The following TMPRSS15 variants were observed in gnomAD, a reference collection of about 807,000 sequenced individuals.
The protein encoded by TMPRSS15 is enteropeptidase.
In TMPRSS15, 128 loss-of-function variants were observed where a neutral mutation model predicts 125.3. The observed-to-expected ratio is 1.02, with a 90% CI of 0.89 to 1.18. The LOEUF (loss-of-function observed/expected upper bound fraction) is 1.18. TMPRSS15 is among the 50% of genes most tolerant of loss of function. The pLI, the probability that TMPRSS15 is intolerant of heterozygous loss-of-function variation, is 0.00. For missense variants in TMPRSS15, 1,283 were observed against 1,212.7 expected, an observed-to-expected ratio of 1.06 and a Z score of -0.86; for synonymous variants, 446 against 423.2, an observed-to-expected ratio of 1.05 and a Z score of -0.66.
intron 1 of TMPRSS15, among the ~76,000 whole-genome samples, chr21:18,410,818 T>A (rs749022608): frequency 2.0e-5 from 3 of 152,160 alleles, no homozygotes; most frequent in Non-Finnish European, 4.4e-5. Context: ...CCATGTAACT[T>A]CTGACCTAAA....
At chr21:18,375,036 T>C (rs564027580) in intron 5 of TMPRSS15, among the ~76,000 whole-genome samples, 1 of 152,310 alleles carries the variant, frequency 6.6e-6, no homozygotes, top group East Asian at 1.9e-4. Context: ...TAGTTGGAAG[T>C]ATTTTGAATT....
rs528970360 is a variant in TMPRSS15 at position 18,397,926 on chromosome 21, T to G, written c.297A>C (p.Ser99=). ...TCTTATATTCATTCTTCAGATTGCT[T>G]GATAGAAAGATCTCATCTATCTAGA... is the stretch of plus-strand genomic sequence containing the variant. ...LQQMIDEIFL[S]SNLKNEYKNS... Residue 99 remains serine, a synonymous_variant, in exon 3 of 25, where the codon TCA becomes TCC. Transcript: ENST00000284885. 6 of 1,543,304 alleles carry G rather than the reference T, an allele frequency of 3.9e-6. No homozygotes were observed. The Admixed American group carries it at 1.0e-4, about 27-fold the overall frequency.
chr21:18,287,327 C>T lies in TMPRSS15; in HGVS notation c.2487-6106G>A, dbSNP rs956909620. Among the ~76,000 whole-genome samples the T allele has an allele frequency of 3.3e-5, 5 of 152,116 alleles. No homozygotes were observed. In the South Asian group the frequency reaches 6.2e-4, roughly 19 times the overall value. On this transcript the variant is annotated intron_variant, in intron 21 of 24. Coordinates refer to ENST00000284885, the MANE Select transcript of TMPRSS15 (RefSeq NM_002772.3). ...GTGGTTCCTCATAACAGCCAGGTAA[C>T]GGGCAGAGTTGCGTATCAATCCACA...
chr21:18,304,943 G>A (rs1016379896), intron 18 of TMPRSS15, among the ~76,000 whole-genome samples: 29 of 152,096 alleles, frequency 1.9e-4, no homozygotes, highest in Non-Finnish European at 4.0e-4. Flanking sequence ...ATTAAAAAGT[G>A]TAAGCCGAAG....
intron 1 of TMPRSS15, among the ~76,000 whole-genome samples, chr21:18,455,599 T>C (rs1978425608): frequency 6.6e-6 from 1 of 152,178 alleles, no homozygotes; most frequent in Non-Finnish European, 1.5e-5. Flanking sequence ...TTTTGAACAT[T>C]AGCTCTTTGC....
chr21:18,459,338 A>G (rs1261485977), intron 1 of TMPRSS15, among the ~76,000 whole-genome samples: 1 of 150,664 alleles, frequency 6.6e-6, no homozygotes, highest in African/African-American at 2.4e-5. Context: ...CAGTGGCACT[A>G]TCTTGGCTCA....
intron 16 of TMPRSS15, among the ~76,000 whole-genome samples, chr21:18,316,234 G>A (rs1461744964): frequency 6.6e-6 from 1 of 152,094 alleles, no homozygotes; most frequent in Non-Finnish European, 1.5e-5. Context: ...CTAAGAGGTG[G>A]CTGAGAGGTT....
chr21:18,282,526 T>C (rs2074713674), intron 21 of TMPRSS15, among the ~76,000 whole-genome samples: 1 of 152,230 alleles, frequency 6.6e-6, no homozygotes, highest in Non-Finnish European at 1.5e-5. Flanking sequence ...ATCTATCACT[T>C]TGTTTTATTT....
At chr21:18,370,367 A>G (rs1037814217) in intron 6 of TMPRSS15, among the ~76,000 whole-genome samples, 2 of 152,134 alleles carry the variant, frequency 1.3e-5, no homozygotes, top group African/African-American at 2.4e-5. Flanking sequence ...TTTGATTCAT[A>G]TATTTTGGTA....
intron 1 of TMPRSS15, among the ~76,000 whole-genome samples, chr21:18,470,121 G>A (rs1978746655): frequency 6.6e-6 from 1 of 151,986 alleles, no homozygotes; most frequent in Admixed American, 6.6e-5. Context: ...AGGAATACTG[G>A]AGCAAGTCAG....
intron 18 of TMPRSS15, among the ~76,000 whole-genome samples, chr21:18,303,298 A>G (rs1208826355): frequency 1.3e-5 from 2 of 152,164 alleles, no homozygotes; most frequent in African/African-American, 2.4e-5. Flanking sequence ...GAAAACAGAT[A>G]ATGGAAGAAA....
At chr21:18,463,895 C>A (rs1014670161) in intron 1 of TMPRSS15, among the ~76,000 whole-genome samples, 1 of 151,866 alleles carries the variant, frequency 6.6e-6, no homozygotes, top group Non-Finnish European at 1.5e-5. Flanking sequence ...AGTTCTTTGG[C>A]CAGGCGTGGT....
At position 18,417,519 on chromosome 21, in the gene TMPRSS15, T is replaced by G. The variant is rs566814294; in HGVS notation, c.11-19190A>C. ...TCAAGATACTACAGAAAAAAGAAGATACGTTTTGAAACATTTTAAGACTCC... is the reference window on the plus strand; with the variant it reads ...TCAAGATACTACAGAAAAAAGAAGAGACGTTTTGAAACATTTTAAGACTCC... On this transcript the variant is annotated intron_variant, in intron 1 of 7. Coordinates refer to the TMPRSS15 transcript ENST00000422787. Among the ~76,000 whole-genome samples the G allele has an allele frequency of 1.1e-4, 16 of 152,294 alleles. 1 individual carries two copies. The Middle Eastern group carries it at 0.017, about 162-fold the overall frequency.
In TMPRSS15 at chr21:18,372,173, G is replaced by C. The variant is rs779331211; in HGVS notation, c.664+20C>G. The C allele has an allele frequency of 2.8e-5, 45 of 1,604,944 alleles. No individual in the cohort carries two copies. The highest frequency in any genetic ancestry group is 3.8e-5 in the Non-Finnish European group (45 of 1,174,456). ...AGGGAGGATAAAACAGAAGGGGAGA[G>C]AGTAGGGGGGAGAACTTACCACACA... On this transcript the variant is annotated intron_variant, in intron 6 of 24. Coordinates refer to ENST00000284885, the MANE Select transcript of TMPRSS15 (RefSeq NM_002772.3).
At chr21:18,329,753 T>C (rs1048571582) in intron 14 of TMPRSS15, among the ~76,000 whole-genome samples, 1 of 151,714 alleles carries the variant, frequency 6.6e-6, no homozygotes, top group Non-Finnish European at 1.5e-5. Context: ...TATTTACATT[T>C]AGTTCATTAA....
chr21:18,462,389 T>G (rs2122953144), intron 1 of TMPRSS15, among the ~76,000 whole-genome samples: 1 of 152,222 alleles, frequency 6.6e-6, no homozygotes. Context: ...TGCTGTTTTT[T>G]TAACTACCTG....
intron 5 of TMPRSS15, among the ~76,000 whole-genome samples, chr21:18,373,926 G>A (rs1257720176): frequency 2.0e-5 from 3 of 152,196 alleles, no homozygotes; most frequent in Non-Finnish European, 2.9e-5. Flanking sequence ...ATAAAAGAAT[G>A]AGTAAGGCAG....
chr21:18,433,000 GA>G (rs2076219556), intron 1 of TMPRSS15, among the ~76,000 whole-genome samples: 1 of 152,124 alleles, frequency 6.6e-6, no homozygotes, highest in Admixed American at 6.6e-5. Context: ...TTCTCGGAAA[GA>G]TAACTTTGTA....
intron 1 of TMPRSS15, among the ~76,000 whole-genome samples, chr21:18,402,115 G>A (rs2824807): frequency 0.29 from 44,390 of 151,880 alleles, 7,104 homozygotes; most frequent in Middle Eastern, 0.45. Context: ...AAATAGACCA[G>A]GAATTATACT....
Sources: allele counts gnomAD v4.1 joint callset (sites outside exome capture counted in the v4.1 genomes callset), GRCh38; gene constraint gnomAD v4.1.1; transcripts MANE v1.5; gene names NCBI Gene and HGNC (gene_info 2026-07-23, HGNC 2026-07-21).